The following SLC44A5 variants were observed in gnomAD, a reference collection of about 807,000 sequenced individuals.
The protein encoded by SLC44A5 is solute carrier family 44 member 5, also known as choline transporter-like protein 5.
SLC44A5 carries 57 observed loss-of-function variants against 101.8 expected under a neutral mutation model. The ratio of observed to expected loss-of-function variants is 0.56; its 90% CI spans 0.45 to 0.70. The LOEUF is 0.70. Among genes scored for constraint, SLC44A5 ranks in the 30% least tolerant of loss-of-function variants. The pLI is 0.00. For synonymous variants in SLC44A5, 281 were observed against 290.9 expected, an observed-to-expected ratio of 0.97 and a Z score of 0.35; for missense variants, 737 against 853.1, an observed-to-expected ratio of 0.86 and a Z score of 1.70.
chr1:75,327,035 T>G (rs572174676), intron 4 of SLC44A5, among the ~76,000 whole-genome samples: 1 of 152,162 alleles, frequency 6.6e-6, no homozygotes, highest in Admixed American at 6.5e-5. Context: ...TACTTTAAAC[T>G]TTGAGTTAAT....
chr1:75,535,076 T>C lies in SLC44A5; in HGVS notation c.13+6359A>G, dbSNP rs1358869734. Among the ~76,000 whole-genome samples, 6 of 150,934 alleles carry C rather than the reference T, an allele frequency of 4.0e-5. No homozygotes were observed. In the East Asian group the frequency reaches 1.2e-3, roughly 29 times the overall value. On this transcript the variant is annotated intron_variant, in intron 2 of 23. Transcript: ENST00000370859. ...GCTTACTATAATTGAAGCTGCTTTTTTTTTTTTTTTTTTAAAGAAAAATCA... is the reference window on the plus strand; with the variant it reads ...GCTTACTATAATTGAAGCTGCTTTTCTTTTTTTTTTTTTAAAGAAAAATCA...
At chr1:75,699,898 A>G in the SLC44A5 span, among the ~76,000 whole-genome samples, 1 of 152,272 alleles carries the variant, frequency 6.6e-6, no homozygotes, top group Non-Finnish European at 1.5e-5. Context: ...AAAGATCAAA[A>G]GAGACAAAGA....
intron 2 of SLC44A5, among the ~76,000 whole-genome samples, chr1:75,483,398 A>T (rs555127597): frequency 3.5e-4 from 53 of 152,326 alleles, no homozygotes; most frequent in African/African-American, 1.3e-3. Flanking sequence ...CATAGAACAT[A>T]GCATAATTTA....
chr1:75,310,368 C>T (rs1190261782), intron 4 of SLC44A5, among the ~76,000 whole-genome samples: 1 of 152,166 alleles, frequency 6.6e-6, no homozygotes, highest in African/African-American at 2.4e-5. Context: ...CACAAGTTGA[C>T]TGCTGCACTC....
chr1:75,578,647 TG>T (rs1673510525), intron 1 of SLC44A5, among the ~76,000 whole-genome samples: 2 of 151,966 alleles, frequency 1.3e-5, no homozygotes, highest in Non-Finnish European at 2.9e-5. Flanking sequence ...GGTGCAGGGA[TG>T]GGGAGATGTT....
At chr1:75,592,188 C>G (rs972024263) in intron 1 of SLC44A5, among the ~76,000 whole-genome samples, 1 of 151,720 alleles carries the variant, frequency 6.6e-6, no homozygotes, top group African/African-American at 2.4e-5. Flanking sequence ...TTGCAGGATA[C>G]AAAATTAACA....
the SLC44A5 span, among the ~76,000 whole-genome samples, chr1:75,675,059 GT>G: frequency 1.3e-5 from 2 of 152,112 alleles, no homozygotes; most frequent in Non-Finnish European, 2.9e-5. Flanking sequence ...CTTCAGCTTT[GT>G]TCTTTTTGCT....
intron 1 of SLC44A5, among the ~76,000 whole-genome samples, chr1:75,543,698 C>CATATAT (rs368645591): frequency 2.4e-4 from 35 of 145,710 alleles, no homozygotes; most frequent in African/African-American, 7.8e-4. Context: ...CATATATATA[C>CATATAT]ATATATATAT....
chr1:75,437,661 G>T (rs1664967249), intron 2 of SLC44A5, among the ~76,000 whole-genome samples: 1 of 152,058 alleles, frequency 6.6e-6, no homozygotes, highest in Non-Finnish European at 1.5e-5. Context: ...GGGCCTATGG[G>T]GCATCACAGC....
intron 9 of SLC44A5, among the ~76,000 whole-genome samples, chr1:75,241,104 T>C (rs1438118876): frequency 6.6e-6 from 1 of 152,042 alleles, no homozygotes; most frequent in Non-Finnish European, 1.5e-5. Flanking sequence ...TAGTAGAGTA[T>C]TTCTTTCTTT....
In SLC44A5 at chr1:75,572,656, A is replaced by T. The variant is rs148930285; in HGVS notation, c.-69-31140T>A. On this transcript the variant is annotated intron_variant, in intron 1 of 23. Transcript: ENST00000370859. ...ATAATGTGTTTGTCTTACAAAGTGG[A>T]GAGTTCAGAGGTACTGTCCATTGTC... 5.7e-3 allele frequency among the ~76,000 whole-genome samples: 869 copies of T among 152,298 alleles called. 15 individuals carry two copies. The highest frequency in any genetic ancestry group is 0.035 in the Admixed American group (533 of 15,302).
chr1:75,539,253 A>G (rs554321724), intron 2 of SLC44A5, among the ~76,000 whole-genome samples: 2 of 152,194 alleles, frequency 1.3e-5, no homozygotes, highest in Non-Finnish European at 2.9e-5. Context: ...CCTTACCTAC[A>G]TGTAATGAAA....
At chr1:75,277,000 T>G (rs555830260) in intron 5 of SLC44A5, among the ~76,000 whole-genome samples, 1 of 152,188 alleles carries the variant, frequency 6.6e-6, no homozygotes, top group Admixed American at 6.5e-5. Context: ...CATCTGCTAT[T>G]GTTTTCTTTC....
chr1:75,694,865 A>G, the SLC44A5 span, among the ~76,000 whole-genome samples: 1 of 152,306 alleles, frequency 6.6e-6, no homozygotes, highest in South Asian at 2.1e-4. Context: ...GGAAGGTTGT[A>G]TAATAGCTTT....
intron 3 of SLC44A5, among the ~76,000 whole-genome samples, chr1:75,346,602 G>C (rs944899277): frequency 5.9e-5 from 9 of 152,080 alleles, no homozygotes; most frequent in African/African-American, 1.7e-4. Flanking sequence ...TGAATTATTG[G>C]ATAATCACAC....
intron 3 of SLC44A5, among the ~76,000 whole-genome samples, chr1:75,387,309 C>T (rs1221599804): frequency 1.3e-5 from 2 of 148,672 alleles, no homozygotes; most frequent in Non-Finnish European, 3.0e-5. Context: ...GCAACCTACT[C>T]ATCTGACAAA....
rs114262083 is a variant in SLC44A5, at chr1:75,299,232, T to A, written c.175+1380A>T. On this transcript the variant is annotated intron_variant, in intron 5 of 23. Coordinates refer to ENST00000370859, the MANE Select transcript of SLC44A5 (RefSeq NM_001130058.2). ...AACACTTTAAGAAATAATGAAAGAATGTTCTGAAGTTCTTAGAAGAATATA... is the reference window on the plus strand; with the variant it reads ...AACACTTTAAGAAATAATGAAAGAAAGTTCTGAAGTTCTTAGAAGAATATA... Among the ~76,000 whole-genome samples, 83 of 152,326 alleles carry A rather than the reference T, an allele frequency of 5.4e-4. 1 individual carries two copies. Among genetic ancestry groups the A allele is most frequent in the South Asian group, 3.3e-3 (16 of 4,826 alleles).
intron 1 of SLC44A5, among the ~76,000 whole-genome samples, chr1:75,564,066 A>G (rs941580954): frequency 6.6e-6 from 1 of 152,218 alleles, no homozygotes; most frequent in Non-Finnish European, 1.5e-5. Flanking sequence ...CTTGCCATCA[A>G]TGACATCAAA....
At chr1:75,268,872 T>C (rs1651225285) in intron 6 of SLC44A5, among the ~76,000 whole-genome samples, 1 of 152,132 alleles carries the variant, frequency 6.6e-6, no homozygotes, top group African/African-American at 2.4e-5. Flanking sequence ...ATCAATCTCC[T>C]ATTGAGAAAC....
Sources: gnomAD v4.1 joint callset for allele counts (sites outside exome capture counted in the v4.1 genomes callset) on GRCh38, gnomAD v4.1.1 for gene constraint, MANE v1.5 for transcripts, NCBI Gene and HGNC (gene_info 2026-07-23, HGNC 2026-07-21) for gene names.